BCAR1: variants seen among roughly 807,000 people sequenced by gnomAD.
The protein encoded by BCAR1 is BCAR1 scaffold protein, Cas family member.
BCAR1 carries 30 observed loss-of-function variants against 67.6 expected under a neutral mutation model. The observed-to-expected ratio is 0.44, with a 90% confidence interval of 0.33 to 0.60. The LOEUF (loss-of-function observed/expected upper bound fraction) is 0.60, where lower values mean the gene tolerates loss of function less well. Ranked by LOEUF, BCAR1 falls within the 20% of genes least tolerant of loss-of-function variation. The probability of loss-of-function intolerance (pLI) is 0.02; values close to 1 mark genes in which losing one functional copy is unlikely to be tolerated. For missense variants in BCAR1, 1,313 were observed against 1,222.3 expected, an observed-to-expected ratio of 1.07 and a Z score of -1.11; for synonymous variants, 626 against 556.7, an observed-to-expected ratio of 1.12 and a Z score of -1.75.
rs1438202547 is a variant in BCAR1 at position 75,229,589 on chromosome 16, G to A, written c.2535C>T (p.Asp845=). The A allele has an allele frequency of 1.2e-6, 2 of 1,611,290 alleles. No individual in the cohort carries two copies. Among genetic ancestry groups the A allele is most frequent in the Non-Finnish European group, 1.7e-6 (2 of 1,179,548 alleles). ...CCAGCTCCTTGACCCTCTCCACCAT[G>A]TCCTGGGCCGCGGAAGGCGATGGGT... The part of the protein sequence containing the change: ...LQYPSPSAAQ[D]MVERVKELGH... Residue 845 remains aspartate (D), a synonymous_variant, in exon 7 of 7, where the codon GAC becomes GAT. Transcript: ENST00000162330.
Position 75,235,737 on chromosome 16 carries a change from C to T in BCAR1, c.1162G>A (p.Asp388Asn), listed in dbSNP as rs150132600. The T allele has an allele frequency of 1.7e-5, 28 of 1,600,908 alleles. No homozygotes were observed. The highest frequency in any genetic ancestry group is 7.9e-5 in the South Asian group (7 of 88,782). Reference protein sequence around the residue: ...LRRPGPGTLYDVPRERVLPPE... With the variant: ...LRRPGPGTLYNVPRERVLPPE... ...GGAAGCACCCGTTCACGGGGCACAT[C>T]GTACAGGGTGCCCGGGCCAGGCCGC... The change falls in exon 5 of 7, where the codon GAT becomes AAT. Residue 388 changes from aspartate to asparagine, a missense_variant. Transcript: ENST00000162330.
intron 6 of BCAR1, among the ~76,000 whole-genome samples, chr16:75,230,490 A>T (rs965184657): frequency 6.6e-6 from 1 of 152,232 alleles, no homozygotes; most frequent in African/African-American, 2.4e-5. Flanking sequence ...AGTAACATAC[A>T]CATTATAAAA....
At chr16:75,265,819 A>T in intron 1 of BCAR1, 2 of 1,193,778 alleles carry the variant, frequency 1.7e-6, no homozygotes, top group Non-Finnish European at 2.1e-6. Context: ...GCGGCGCGGT[A>T]CTCACAGGCA....
Position 75,234,866 on chromosome 16 carries a change from G to A in BCAR1, c.2010+23C>T, listed in dbSNP as rs777798612. 33 of 1,518,570 alleles carry A rather than the reference G, an allele frequency of 2.2e-5. No individual in the cohort carries two copies. In the East Asian group the frequency reaches 3.4e-4, roughly 16 times the overall value. The allele number at this position is 1,518,570 out of a possible 1,614,324, so 94.1% of individuals were successfully genotyped here. A position where few individuals can be genotyped will look rare whatever the true frequency, so the allele number is the denominator to read the frequency against. ...AGCCCAGCGTGGCAGAAGAGGAGCC[G>A]GGGCTGGGCAGGCGGCACCCACCTG... On this transcript the variant is annotated intron_variant, in intron 5 of 6. Transcript: ENST00000162330.
chr16:75,267,403 G>T (rs573957802), intron 1 of BCAR1, among the ~76,000 whole-genome samples: 4 of 143,576 alleles, frequency 2.8e-5, no homozygotes, highest in Non-Finnish European at 6.0e-5. Flanking sequence ...CCGGGGGGGG[G>T]GTGGGGGGCC....
At chr16:75,236,742 C>G in intron 4 of BCAR1, 140 bp downstream of exon 4, 1 of 1,358,952 alleles carries the variant, frequency 7.4e-7, no homozygotes, top group Non-Finnish European at 9.5e-7. Context: ...ATCTGTCAAC[C>G]ATCCAGAACC....
At chr16:75,248,363 C>T (rs2077582644) in intron 1 of BCAR1, 1 of 1,278,728 alleles carries the variant, frequency 7.8e-7, no homozygotes, top group Admixed American at 3.4e-5. Flanking sequence ...CAAACTTGGG[C>T]CAAGTTTATT....
Position 75,237,471 on chromosome 16 carries a change from C to T in BCAR1, c.634-127G>A, listed in dbSNP as rs923923133. 4 of 1,174,530 alleles carry T rather than the reference C, an allele frequency of 3.4e-6. No individual in the cohort carries two copies. In the African/African-American group the frequency reaches 4.8e-5, roughly 14 times the overall value. The allele number at this position is 1,174,530 out of a possible 1,614,324, so 72.8% of individuals were successfully genotyped here. ...CACCAGGTGGAAGGGACGGGGCTCCCCAAGGATGCCAGTTCTCACCCCCTC... is the reference window on the plus strand; with the variant it reads ...CACCAGGTGGAAGGGACGGGGCTCCTCAAGGATGCCAGTTCTCACCCCCTC... On this transcript the variant is annotated intron_variant, in intron 2 of 6. Transcript: ENST00000162330.
intron 1 of BCAR1, chr16:75,264,591 C>T: frequency 5.4e-6 from 7 of 1,295,118 alleles, no homozygotes; most frequent in Non-Finnish European, 6.9e-6. Context: ...TGGAAGCCCT[C>T]ATTTTTTCAT....
chr16:75,236,759 T>G (rs2077152384), intron 4 of BCAR1, 123 bp downstream of exon 4: 1 of 1,419,292 alleles, frequency 7.0e-7, no homozygotes, highest in Non-Finnish European at 9.2e-7. Flanking sequence ...AACCAGGGTC[T>G]GGAGCCAGTC....
Position 75,235,034 on chromosome 16 carries a change from T to A in BCAR1, c.1865A>T (p.His622Leu). The A allele has an allele frequency of 6.2e-7, 1 of 1,613,182 alleles. No homozygotes were observed. Among genetic ancestry groups the A allele is most frequent in the Non-Finnish European group, 8.5e-7 (1 of 1,179,938 alleles). Reference sequence around the variant, plus strand: ...GCTGGTCTTGTCAGTGGGGTTGGGGTGCAGGGTGCCACCCCCCTCAGGCCC... The same window carrying A: ...GCTGGTCTTGTCAGTGGGGTTGGGGAGCAGGGTGCCACCCCCCTCAGGCCC... ...APGPEGGGTL[H>L]PNPTDKTSSI... Residue 622 changes from histidine (H) to leucine (L), a missense_variant, in exon 5 of 7, where the codon CAC becomes CTC. Physicochemically the swap from His to Leu is moderately conservative, Grantham distance 99. Around this residue, in one of 2 missense-constraint regions of BCAR1, gnomAD observed 1,272 missense variants for 1,137.5 expected, o/e 1.12. Coordinates refer to ENST00000162330, the MANE Select transcript of BCAR1 (RefSeq NM_014567.5).
At chr16:75,236,607 C>A (rs2077145094) in intron 4 of BCAR1, 1 of 521,568 alleles carries the variant, frequency 1.9e-6, no homozygotes. Context: ...GGAAGTATCC[C>A]AGGTGAGATG....
intron 2 of BCAR1, among the ~76,000 whole-genome samples, chr16:75,241,225 G>T (rs762324020): frequency 6.6e-6 from 1 of 152,194 alleles, no homozygotes; most frequent in South Asian, 2.1e-4. Context: ...TATGATGTGC[G>T]CATGTGTGGG....
chr16:75,242,992 C>A lies in BCAR1; in HGVS notation c.111G>T (p.Thr37=), dbSNP rs367664237. Residue 37 remains threonine, a synonymous_variant, in exon 2 of 7, where the codon ACG becomes ACT. Transcript: ENST00000162330. ...AGAGCCACCAGCCGTCCAGGCCCTG[C>A]GTGTCCTGCTCCAGCACCGTCATGA... ...GDIMTVLEQD[T]QGLDGWWLCS... 4 of 1,613,566 alleles carry A rather than the reference C, an allele frequency of 2.5e-6. 1 individual carries two copies. In the East Asian group the frequency reaches 8.9e-5, roughly 36 times the overall value.
At chr16:75,230,456 A>C (rs1368110241) in intron 6 of BCAR1, among the ~76,000 whole-genome samples, 3 of 152,206 alleles carry the variant, frequency 2.0e-5, no homozygotes, top group South Asian at 4.1e-4. Flanking sequence ...TGGAAGGTTA[A>C]AAAAATTTTC....
At chr16:75,243,592 A>G (rs568672830) in intron 1 of BCAR1, 14 of 436,958 alleles carry the variant, frequency 3.2e-5, no homozygotes, top group South Asian at 2.1e-4. Context: ...CAAATCCAAA[A>G]AGTCAGTAAT....
chr16:75,238,043 G>A (rs750347646), intron 2 of BCAR1: 9 of 1,288,556 alleles, frequency 7.0e-6, no homozygotes, highest in African/African-American at 3.0e-5. Flanking sequence ...GAGGCCTAGT[G>A]GGGGAAGTGG....
chr16:75,260,827 C>T (rs920872838), intron 1 of BCAR1, among the ~76,000 whole-genome samples: 1 of 152,126 alleles, frequency 6.6e-6, no homozygotes, highest in Non-Finnish European at 1.5e-5. Context: ...TTTGCCCTGA[C>T]CATCAGGGAG....
intron 1 of BCAR1, chr16:75,266,042 GGC>G: frequency 2.9e-6 from 3 of 1,026,116 alleles, no homozygotes; most frequent in Non-Finnish European, 3.5e-6. Flanking sequence ...CCGTCTCCGC[GGC>G]CAGGGACGCG....
Sources: gnomAD v4.1 joint callset for allele counts (sites outside exome capture counted in the v4.1 genomes callset) on GRCh38, gnomAD v4.1.1 for gene constraint, gnomAD v4.1.1 regional missense constraint, MANE v1.5 for transcripts, NCBI Gene and HGNC (gene_info 2026-07-23, HGNC 2026-07-21) for gene names.